Variants in LRRC69 observed in about 807,000 individuals in gnomAD.
LRRC69 encodes leucine-rich repeat-containing protein 69.
A neutral mutation model predicts 37.8 loss-of-function variants in LRRC69; 42 were observed. That is an observed-to-expected ratio of 1.11 (90% confidence interval 0.87 to 1.44). The LOEUF (loss-of-function observed/expected upper bound fraction) is 1.44. LRRC69 is among the 40% of genes most tolerant of loss of function. The pLI, the probability that LRRC69 is intolerant of heterozygous loss-of-function variation, is 0.00. For synonymous variants in LRRC69, 141 were observed against 143.1 expected, an observed-to-expected ratio of 0.99 and a Z score of 0.11; for missense variants, 357 against 401.9, an observed-to-expected ratio of 0.89 and a Z score of 0.96.
chr8:91,189,574 T>G, exon 6 of LRRC69: 2 of 1,551,310 alleles, frequency 1.3e-6, no homozygotes, highest in Non-Finnish European at 1.7e-6. Flanking sequence ...CCACTGTTCC[T>G]GCAGCAGCCA....
chr8:91,197,216 C>T (rs1033270910), intron 6 of LRRC69, among the ~76,000 whole-genome samples: 4 of 152,178 alleles, frequency 2.6e-5, no homozygotes, highest in African/African-American at 7.2e-5. Flanking sequence ...TCTCCAGCCG[C>T]GTGCTGGGAG....
chr8:91,123,294 ACT>A (rs1586230872), intron 1 of LRRC69, among the ~76,000 whole-genome samples: 1 of 151,998 alleles, frequency 6.6e-6, no homozygotes, highest in Non-Finnish European at 1.5e-5. Context: ...ACAATTACAG[ACT>A]CTGGATAAAA....
At chr8:91,157,199 C>A in intron 5 of LRRC69, 1 of 943,206 alleles carries the variant, frequency 1.1e-6, no homozygotes, top group Non-Finnish European at 1.7e-6. Flanking sequence ...CTGTAGATTG[C>A]TTTGTGTAAT....
At chr8:91,129,583 G>A (rs1813773293) in intron 3 of LRRC69, among the ~76,000 whole-genome samples, 1 of 151,806 alleles carries the variant, frequency 6.6e-6, no homozygotes, top group Non-Finnish European at 1.5e-5. Context: ...TTATAAAAAT[G>A]ATTAATGAAG....
chr8:91,152,613 TC>T (rs1808761179), intron 5 of LRRC69, among the ~76,000 whole-genome samples: 2 of 151,748 alleles, frequency 1.3e-5, no homozygotes, highest in Middle Eastern at 3.4e-3. Context: ...CTGTTAGAGT[TC>T]TTTTTTGTTT....
intron 1 of LRRC69, among the ~76,000 whole-genome samples, chr8:91,106,382 T>C (rs1164865334): frequency 1.3e-5 from 2 of 152,030 alleles, no homozygotes; most frequent in African/African-American, 4.8e-5. Flanking sequence ...TGCAAAGTAT[T>C]AACATAGTCT....
chr8:91,206,613 C>A, intron 7 of LRRC69: 2 of 1,182,364 alleles, frequency 1.7e-6, no homozygotes, highest in Non-Finnish European at 2.2e-6. Context: ...GACAAGTTGC[C>A]ATGTTTAATT....
At chr8:91,185,071 A>G (rs1809384022) in intron 5 of LRRC69, among the ~76,000 whole-genome samples, 1 of 152,172 alleles carries the variant, frequency 6.6e-6, no homozygotes, top group Non-Finnish European at 1.5e-5. Flanking sequence ...GTGGAAGTAG[A>G]GGCCTCTTCG....
intron 5 of LRRC69, chr8:91,157,891 T>G: frequency 3.2e-6 from 5 of 1,586,056 alleles, no homozygotes; most frequent in South Asian, 1.1e-5. Context: ...AGGGAGAGTT[T>G]TACATAGGCT....
chr8:91,162,999 CT>C (rs1355690220), intron 5 of LRRC69, among the ~76,000 whole-genome samples: 3 of 151,272 alleles, frequency 2.0e-5, no homozygotes, highest in African/African-American at 7.2e-5. Context: ...ACTTTTTACA[CT>C]TTTCATTTAT....
At position 91,123,528 on chromosome 8, in the gene LRRC69, A is replaced by G. The variant is rs111785594; in HGVS notation, c.184-965A>G. Among the ~76,000 whole-genome samples the G allele has an allele frequency of 6.1e-3, 927 of 152,112 alleles. 8 individuals are homozygous for G. The highest frequency in any genetic ancestry group is 0.015 in the Admixed American group (231 of 15,248). Reference sequence around the variant, plus strand: ...TTTAAATCATTGTCTTACATCCATAACAAGTACTAAGTGACATTTAAATAT... The same window carrying G: ...TTTAAATCATTGTCTTACATCCATAGCAAGTACTAAGTGACATTTAAATAT... On this transcript the variant is annotated intron_variant, in intron 1 of 7. Transcript: ENST00000448384.
chr8:91,150,978 T>C (rs1808725492), intron 5 of LRRC69, among the ~76,000 whole-genome samples: 1 of 151,964 alleles, frequency 6.6e-6, no homozygotes. Flanking sequence ...TTCTCTCTTT[T>C]TTTCTTTATT....
Position 91,176,134 on chromosome 8 carries a change from A to ATATATTTTTT in LRRC69, c.652-13387_652-13386insATATTTTTTT. On this transcript the variant is annotated intron_variant, in intron 5 of 7. Coordinates refer to ENST00000448384, the Ensembl canonical transcript of LRRC69. ...ATCCCTCATATATATATATATATAT[A>ATATATTTTTT]TTTTTTTTTTTTCTTTTTTTTGAGA... Among the ~76,000 whole-genome samples, 75 of 75,688 alleles carry ATATATTTTTT rather than the reference A, an allele frequency of 9.9e-4. 1 individual carries two copies. The highest frequency in any genetic ancestry group is 2.4e-3 in the East Asian group (7 of 2,940). The allele number at this position is 75,688 out of a possible 152,430, so 49.7% of individuals were successfully genotyped here.
At chr8:91,143,485 T>C (rs752315067) in intron 5 of LRRC69, among the ~76,000 whole-genome samples, 1 of 152,074 alleles carries the variant, frequency 6.6e-6, no homozygotes, top group Non-Finnish European at 1.5e-5. Flanking sequence ...TTAACATTCA[T>C]GTGAATCTGT....
chr8:91,142,256 C>T (rs1808544384), intron 5 of LRRC69, among the ~76,000 whole-genome samples: 1 of 151,902 alleles, frequency 6.6e-6, no homozygotes, highest in South Asian at 2.1e-4. Flanking sequence ...AACAAAATAT[C>T]ATATATAAAA....
intron 5 of LRRC69, among the ~76,000 whole-genome samples, chr8:91,136,387 T>G (rs1488395262): frequency 1.3e-5 from 2 of 151,978 alleles, no homozygotes; most frequent in African/African-American, 4.8e-5. Flanking sequence ...TAAATTGAGG[T>G]TTCAGTCTTT....
intron 5 of LRRC69, among the ~76,000 whole-genome samples, chr8:91,139,563 C>G (rs983782294): frequency 1.3e-5 from 2 of 150,286 alleles, no homozygotes; most frequent in Non-Finnish European, 1.5e-5. Flanking sequence ...GGCGTATGTA[C>G]AGGAGAATGG....
intron 6 of LRRC69, among the ~76,000 whole-genome samples, chr8:91,196,492 T>C (rs1809603672): frequency 6.6e-6 from 1 of 152,158 alleles, no homozygotes; most frequent in Admixed American, 6.5e-5. Flanking sequence ...CAAGCAGACG[T>C]AGATTTGGTC....
chr8:91,165,651 A>T (rs192190224), intron 5 of LRRC69, among the ~76,000 whole-genome samples: 1 of 151,844 alleles, frequency 6.6e-6, no homozygotes. Context: ...TTCAAGTCAC[A>T]TGTACAACTC....
Sources: allele counts gnomAD v4.1 joint callset (sites outside exome capture counted in the v4.1 genomes callset), GRCh38; gene constraint gnomAD v4.1.1; transcripts MANE v1.5; gene names NCBI Gene and HGNC (gene_info 2026-07-23, HGNC 2026-07-21).